Variants in TMPRSS11E observed in about 807,000 individuals in gnomAD.
TMPRSS11E encodes transmembrane serine protease 11E.
A neutral mutation model predicts 48.1 loss-of-function variants in TMPRSS11E; 38 were observed. The observed-to-expected ratio is 0.79, with a 90% CI of 0.61 to 1.04. The LOEUF is 1.04. Ranked by LOEUF, TMPRSS11E falls within the 50% of genes least tolerant of loss-of-function variation. The pLI, the probability that TMPRSS11E is intolerant of heterozygous loss-of-function variation, is 0.00. For missense variants in TMPRSS11E, 530 were observed against 510.8 expected (o/e 1.04, Z -0.36); for synonymous variants, 158 against 171.9 (o/e 0.92, Z 0.63).
At chr4:68,474,522 C>G (rs1312090798) in intron 5 of TMPRSS11E, among the ~76,000 whole-genome samples, 1 of 152,052 alleles carries the variant, frequency 6.6e-6, no homozygotes, top group Non-Finnish European at 1.5e-5. Context: ...TGACTCTTAC[C>G]CACATTAAAG....
chr4:68,449,624 G>A (rs369757736), intron 1 of TMPRSS11E, among the ~76,000 whole-genome samples: 1 of 151,718 alleles, frequency 6.6e-6, no homozygotes, highest in Non-Finnish European at 1.5e-5. Context: ...AAATTCTAAT[G>A]AATCTCTGGT....
chr4:68,494,037 T>A (rs569389833), intron 9 of TMPRSS11E, among the ~76,000 whole-genome samples: 25 of 152,296 alleles, frequency 1.6e-4, no homozygotes, highest in African/African-American at 5.8e-4. Flanking sequence ...TCTGGCTGTA[T>A]CCTTTGATTA....
intron 1 of TMPRSS11E, among the ~76,000 whole-genome samples, chr4:68,449,664 T>A (rs1334024311): frequency 1.3e-5 from 2 of 151,822 alleles, no homozygotes; most frequent in Non-Finnish European, 2.9e-5. Context: ...TTAAAACATT[T>A]ACACAATGTA....
chr4:68,461,705 G>A, intron 1 of TMPRSS11E, 116 bp from the exon 2 acceptor site: 1 of 1,509,682 alleles, frequency 6.6e-7, no homozygotes, highest in Non-Finnish European at 9.0e-7. Context: ...TCTAAACCCA[G>A]ACAGTACACG....
At chr4:68,484,594 C>A (rs1340713439) in intron 9 of TMPRSS11E, among the ~76,000 whole-genome samples, 3 of 152,156 alleles carry the variant, frequency 2.0e-5, no homozygotes, top group African/African-American at 7.2e-5. Flanking sequence ...GGGCATCAGC[C>A]ACTGTACCTG....
Position 68,476,245 on chromosome 4 carries a change from C to CT in TMPRSS11E, c.530-16_530-15insT. ...TTAATGCACCCACCAATGCACCCCC[C>CT]CTCTCTCTTTTGCAGGCTGCGGAAC... On this transcript the variant is annotated splice_polypyrimidine_tract_variant and intron_variant, in intron 6 of 9. Transcript: ENST00000305363. 1 of 1,613,500 alleles carries CT rather than the reference C, an allele frequency of 6.2e-7. No homozygotes were observed. The highest frequency in any genetic ancestry group is 1.3e-5 in the African/African-American group (1 of 75,024).
intron 4 of TMPRSS11E, 99 bp from the exon 5 acceptor site, chr4:68,471,361 C>T: frequency 1.4e-6 from 1 of 700,224 alleles, no homozygotes; most frequent in South Asian, 4.9e-5. Context: ...TCCCTCCCTC[C>T]TTTCTTCACT....
chr4:68,447,696 T>G (rs959476988), intron 1 of TMPRSS11E, among the ~76,000 whole-genome samples, 173 bp downstream of exon 1: 2 of 152,022 alleles, frequency 1.3e-5, no homozygotes, highest in African/African-American at 4.8e-5. Flanking sequence ...CTATTCTTTC[T>G]GTATTAGTGT....
rs753858163 is a variant in TMPRSS11E, at chr4:68,476,407, T to A, written c.676T>A (p.Trp226Arg). The A allele has an allele frequency of 1.2e-6, 2 of 1,613,852 alleles. No homozygotes were observed. Among genetic ancestry groups the A allele is most frequent in the Admixed American group, 3.3e-5 (2 of 60,000 alleles). Residue 226 changes from tryptophan (W) to arginine (R), a missense_variant, in exon 7 of 10, where the codon TGG becomes AGG. Physicochemically the swap from Trp to Arg is moderately radical, Grantham distance 101. Transcript: ENST00000305363. Reference sequence around the variant, plus strand: ...TGGAGCAACCTTAATTAATGCCACATGGCTTGTGAGTGCTGCTCACTGTTT... The same window carrying A: ...TGGAGCAACCTTAATTAATGCCACAAGGCTTGTGAGTGCTGCTCACTGTTT... The part of the protein sequence containing the change: ...RCGATLINAT[W>R]LVSAAHCFTT...
intron 9 of TMPRSS11E, among the ~76,000 whole-genome samples, chr4:68,495,102 C>T (rs1223046352): frequency 6.6e-6 from 1 of 152,116 alleles, no homozygotes; most frequent in Non-Finnish European, 1.5e-5. Context: ...TCATAATTTC[C>T]ATCTTCTACT....
intron 3 of TMPRSS11E, among the ~76,000 whole-genome samples, chr4:68,467,009 A>G (rs1157106997): frequency 1.3e-5 from 2 of 152,014 alleles, no homozygotes; most frequent in Admixed American, 6.6e-5. Context: ...CTAGTGATAT[A>G]CTCTTGATCA....
intron 9 of TMPRSS11E, among the ~76,000 whole-genome samples, chr4:68,491,820 A>AT (rs201875430): frequency 1.2e-3 from 175 of 151,626 alleles, no homozygotes; most frequent in African/African-American, 3.7e-3. Context: ...AATTTCTAAG[A>AT]TTTTTTTTTA....
intron 1 of TMPRSS11E, among the ~76,000 whole-genome samples, chr4:68,451,673 T>C (rs1228809693): frequency 1.3e-5 from 2 of 151,964 alleles, no homozygotes; most frequent in Non-Finnish European, 2.9e-5. Context: ...ATAATTGCTA[T>C]CTTTAGTTTC....
chr4:68,478,935 A>G lies in TMPRSS11E; in HGVS notation c.1054A>G (p.Ile352Val), dbSNP rs1445296286. Reference sequence around the variant, plus strand: ...TGAACCTCAAGCTTACAATGACGCCATAACTCCTAGAATGTTATGTGCTGG... The same window carrying G: ...TGAACCTCAAGCTTACAATGACGCCGTAACTCCTAGAATGTTATGTGCTGG... Reference protein sequence around the residue: ...CNEPQAYNDAITPRMLCAGSL... With the variant: ...CNEPQAYNDAVTPRMLCAGSL... The change falls in exon 9 of 10, where the codon ATA (isoleucine) becomes GTA (valine). Residue 352 changes from isoleucine (I) to valine (V), a missense_variant. Ile to Val is a conservative substitution (Grantham distance 29). Transcript: ENST00000305363. 22 of 1,614,136 alleles carry G rather than the reference A, an allele frequency of 1.4e-5. No individual in the cohort carries two copies. The highest frequency in any genetic ancestry group is 1.6e-4 in the Middle Eastern group (1 of 6,062).
rs188830313 is a variant in TMPRSS11E at position 68,455,810 on chromosome 4, G to A, written c.12-6011G>A. Reference sequence around the variant, plus strand: ...TAACTTTGCTGTGGGATATTGTTGTGTATAAAGTTGCTCAGGTAATGCCAG... The same window carrying A: ...TAACTTTGCTGTGGGATATTGTTGTATATAAAGTTGCTCAGGTAATGCCAG... On this transcript the variant is annotated intron_variant, in intron 1 of 9. Transcript: ENST00000305363. Among the ~76,000 whole-genome samples, 21 of 152,040 alleles carry A rather than the reference G, an allele frequency of 1.4e-4. No individual in the cohort carries two copies. In the East Asian group the frequency reaches 3.9e-3, roughly 28 times the overall value.
At chr4:68,465,974 C>T (rs1246930112) in intron 2 of TMPRSS11E, among the ~76,000 whole-genome samples, 2 of 152,248 alleles carry the variant, frequency 1.3e-5, no homozygotes, top group African/African-American at 2.4e-5. Flanking sequence ...AATGTAGAGA[C>T]AGTGGCTAAG....
chr4:68,467,683 C>T (rs966834759), intron 3 of TMPRSS11E, among the ~76,000 whole-genome samples: 16 of 152,122 alleles, frequency 1.1e-4, no homozygotes, highest in African/African-American at 2.9e-4. Context: ...CCCTGGAAAC[C>T]GCCCAGTAGA....
At chr4:68,460,907 G>A (rs1449280187) in intron 1 of TMPRSS11E, among the ~76,000 whole-genome samples, 2 of 148,084 alleles carry the variant, frequency 1.4e-5, no homozygotes, top group African/African-American at 2.5e-5. Flanking sequence ...TTAAGACGGA[G>A]TCTCGCTCTA....
In TMPRSS11E at chr4:68,496,783, T is replaced by C. The variant is rs1478434121; in HGVS notation, c.1251T>C (p.Ile417=). The part of the protein sequence containing the change: ...YTRVTALRDW[I]TSKTGI ...GAGTTACGGCCTTGCGGGACTGGAT[T>C]ACTTCAAAAACTGGTATCTAAGAGA... Residue 417 remains isoleucine, a synonymous_variant, in exon 10 of 10, where the codon ATT becomes ATC. Transcript: ENST00000305363. 1.7e-5 allele frequency: 28 copies of C among 1,612,208 alleles called. No homozygotes were observed. The highest frequency in any genetic ancestry group is 6.7e-5 in the Admixed American group (4 of 59,662).
Sources: allele counts gnomAD v4.1 joint callset (sites outside exome capture counted in the v4.1 genomes callset), GRCh38; gene constraint gnomAD v4.1.1; transcripts MANE v1.5; gene names NCBI Gene and HGNC (gene_info 2026-07-23, HGNC 2026-07-21).